EXT1: variants seen among roughly 807,000 people sequenced by gnomAD.
EXT1 encodes the protein exostosin glycosyltransferase 1.
In EXT1, 20 loss-of-function variants were observed where a neutral mutation model predicts 82.5. That is an observed-to-expected ratio of 0.24 (90% CI 0.17 to 0.35). The LOEUF (loss-of-function observed/expected upper bound fraction) is 0.35. Among genes scored for constraint, EXT1 ranks in the 10% least tolerant of loss-of-function variants. The probability of loss-of-function intolerance (pLI) is 1.00; values close to 1 mark genes in which losing one functional copy is unlikely to be tolerated. For synonymous variants in EXT1, 348 were observed against 350.8 expected, an observed-to-expected ratio of 0.99 and a Z score of 0.09; for missense variants, 757 against 936.5, an observed-to-expected ratio of 0.81 and a Z score of 2.50.
chr8:117,940,742 A>G (rs1184848279), intron 1 of EXT1, among the ~76,000 whole-genome samples: 1 of 152,204 alleles, frequency 6.6e-6, no homozygotes, highest in Non-Finnish European at 1.5e-5. Context: ...ACTTTACAAA[A>G]TTGAAATCTG....
At chr8:117,980,715 T>TGG (rs1563619836) in intron 1 of EXT1, among the ~76,000 whole-genome samples, 8 of 45,268 alleles carry the variant, frequency 1.8e-4, no homozygotes, top group African/African-American at 9.6e-4. Context: ...TTTTTTTTTT[T>TGG]TTTTTTTTTT....
At chr8:118,029,417 T>A (rs1200833525) in intron 1 of EXT1, among the ~76,000 whole-genome samples, 1 of 152,154 alleles carries the variant, frequency 6.6e-6, no homozygotes, top group Non-Finnish European at 1.5e-5. Flanking sequence ...TGAGACCTCA[T>A]CTCTTTATTA....
intron 1 of EXT1, among the ~76,000 whole-genome samples, chr8:118,056,853 G>C (rs747090473): frequency 2.6e-4 from 39 of 152,174 alleles, no homozygotes; most frequent in Non-Finnish European, 5.3e-4. Flanking sequence ...GGAATGAAGG[G>C]CCTGGTGGGC....
Position 117,812,920 on chromosome 8 carries a change from T to C in EXT1, c.1674A>G (p.Thr558=), listed in dbSNP as rs202051061. The change falls in exon 8 of 11, where the codon ACA becomes ACG. Residue 558 remains threonine (T), a synonymous_variant. Coordinates refer to ENST00000378204, the MANE Select transcript of EXT1 (RefSeq NM_000127.3). ...CCTCGTCAAGGCTGAGCACGGCGTC[T>C]GTGATGATGTTGTCGTAGGGCAGAA... The part of the protein sequence containing the change: ...SRFLPYDNII[T]DAVLSLDEDT... 156 of 1,613,912 alleles carry C rather than the reference T, an allele frequency of 9.7e-5. No homozygotes were observed. The highest frequency in any genetic ancestry group is 1.2e-4 in the Non-Finnish European group (142 of 1,179,996).
At chr8:117,877,838 AAAC>A (rs143524430) in intron 1 of EXT1, among the ~76,000 whole-genome samples, 3,443 of 152,296 alleles carry the variant, frequency 0.023, 138 homozygotes, top group African/African-American at 0.079. Context: ...TTTTTCTGTT[AAAC>A]AACAAGTTTT....
chr8:117,964,964 T>C (rs533210834), intron 1 of EXT1, among the ~76,000 whole-genome samples: 1 of 152,148 alleles, frequency 6.6e-6, no homozygotes, highest in Non-Finnish European at 1.5e-5. Context: ...CTCACTGTTA[T>C]AAGTTCAGGT....
chr8:117,867,653 G>A (rs929675249), intron 1 of EXT1, among the ~76,000 whole-genome samples: 1 of 152,154 alleles, frequency 6.6e-6, no homozygotes, highest in East Asian at 1.9e-4. Context: ...CAAAGAGACT[G>A]TGACTCCTTC....
rs560564517 is a variant in EXT1, at chr8:117,809,658, C to CG, written c.1723-2282dup. Among the ~76,000 whole-genome samples, 146 of 149,832 alleles carry CG rather than the reference C, an allele frequency of 9.7e-4. 1 individual carries two copies. The highest frequency in any genetic ancestry group is 3.1e-3 in the African/African-American group (128 of 40,906). On this transcript the variant is annotated intron_variant, in intron 8 of 10. Coordinates refer to ENST00000378204, the MANE Select transcript of EXT1 (RefSeq NM_000127.3). ...TCAAAAAAAAAAAAAAAATCCAGAGCGGGGAAAAAACCCGGGTGGTGGAAC... is the reference window on the plus strand; with the variant it reads ...TCAAAAAAAAAAAAAAAATCCAGAGCGGGGGAAAAAACCCGGGTGGTGGAAC...
chr8:118,101,452 C>T (rs926560165), intron 1 of EXT1, among the ~76,000 whole-genome samples: 2 of 152,206 alleles, frequency 1.3e-5, no homozygotes, highest in Admixed American at 6.5e-5. Flanking sequence ...GAGGTCAAAG[C>T]GACCTGTCCA....
chr8:118,104,615 C>G (rs1817777081), intron 1 of EXT1, among the ~76,000 whole-genome samples: 1 of 152,196 alleles, frequency 6.6e-6, no homozygotes, highest in African/African-American at 2.4e-5. Context: ...GCCTAAAATG[C>G]TTGAAATGCT....
intron 1 of EXT1, among the ~76,000 whole-genome samples, chr8:118,023,170 C>G (rs911488300): frequency 6.6e-6 from 1 of 152,150 alleles, no homozygotes; most frequent in Non-Finnish European, 1.5e-5. Flanking sequence ...ATAAAGTTTA[C>G]TTTTGTATTA....
chr8:117,864,699 A>G (rs1812743444), intron 1 of EXT1, among the ~76,000 whole-genome samples: 1 of 151,174 alleles, frequency 6.6e-6, no homozygotes, highest in South Asian at 2.1e-4. Flanking sequence ...CGGTGAGCGC[A>G]GATAGCGCCA....
intron 1 of EXT1, among the ~76,000 whole-genome samples, chr8:117,894,830 G>A (rs1053351919): frequency 1.8e-4 from 27 of 152,194 alleles, no homozygotes; most frequent in African/African-American, 5.5e-4. Context: ...AAATAAGGCC[G>A]CCTCCCTTCT....
chr8:118,098,968 T>C (rs969906847), intron 1 of EXT1, among the ~76,000 whole-genome samples: 7 of 150,726 alleles, frequency 4.6e-5, no homozygotes, highest in African/African-American at 1.5e-4. Context: ...AGACAAGTTT[T>C]CAAATGGAGA....
At chr8:117,892,622 C>T (rs1813264728) in intron 1 of EXT1, among the ~76,000 whole-genome samples, 1 of 152,246 alleles carries the variant, frequency 6.6e-6, no homozygotes, top group African/African-American at 2.4e-5. Context: ...TAAAAGGATT[C>T]CCCTGGTGGC....
At chr8:117,814,036 GAAAGAAGAA>G (rs1250222867) in intron 7 of EXT1, among the ~76,000 whole-genome samples, 2 of 150,678 alleles carry the variant, frequency 1.3e-5, no homozygotes, top group Admixed American at 6.6e-5. Context: ...AGAAGAAGAA[GAAAGAAGAA>G]GGAGGAGAAG....
chr8:118,085,004 T>C (rs1817392054), intron 1 of EXT1, among the ~76,000 whole-genome samples: 1 of 152,220 alleles, frequency 6.6e-6, no homozygotes, highest in African/African-American at 2.4e-5. Flanking sequence ...AATAGATGTT[T>C]ATGGAAGGAA....
chr8:117,822,084 A>G (rs1811933761), intron 5 of EXT1, among the ~76,000 whole-genome samples: 1 of 152,148 alleles, frequency 6.6e-6, no homozygotes, highest in South Asian at 2.1e-4. Flanking sequence ...TTTCTTTGGT[A>G]AGGAATAGAG....
intron 1 of EXT1, among the ~76,000 whole-genome samples, chr8:117,901,907 A>T (rs1813456866): frequency 6.6e-6 from 1 of 152,194 alleles, no homozygotes; most frequent in Admixed American, 6.5e-5. Flanking sequence ...CATGTTATTC[A>T]GGCTGGTCTC....
Sources: gnomAD v4.1 joint callset for allele counts (sites outside exome capture counted in the v4.1 genomes callset) on GRCh38, gnomAD v4.1.1 for gene constraint, MANE v1.5 for transcripts, NCBI Gene and HGNC (gene_info 2026-07-23, HGNC 2026-07-21) for gene names.